TEAD1: variants seen among roughly 807,000 people sequenced by gnomAD.
TEAD1 encodes TEA domain transcription factor 1, also known as transcriptional enhancer factor TEF-1.
In TEAD1, 9 loss-of-function variants were observed where a neutral mutation model predicts 54.9. The observed-to-expected ratio is 0.16, with a 90% CI of 0.10 to 0.29. The LOEUF (loss-of-function observed/expected upper bound fraction) is 0.29. Among genes scored for constraint, TEAD1 ranks in the 10% least tolerant of loss-of-function variants. The pLI, the probability that TEAD1 is intolerant of heterozygous loss-of-function variation, is 1.00. For missense variants in TEAD1, 387 were observed against 535.9 expected (o/e 0.72, Z 2.74); for synonymous variants, 200 against 187.8 (o/e 1.07, Z -0.53).
chr11:12,882,121 G>GGGTCCC (rs1183127104), intron 8 of TEAD1, among the ~76,000 whole-genome samples, 164 bp downstream of exon 8: 1 of 152,186 alleles, frequency 6.6e-6, no homozygotes, highest in Non-Finnish European at 1.5e-5. Flanking sequence ...GAGGGCCACA[G>GGGTCCC]GGTCCCGATT....
chr11:12,701,410 T>TA (rs1170533114), intron 2 of TEAD1, among the ~76,000 whole-genome samples: 1 of 152,094 alleles, frequency 6.6e-6, no homozygotes, highest in Non-Finnish European at 1.5e-5. Context: ...AACAAAAACT[T>TA]AGACGTCAAG....
At chr11:12,770,562 G>A (rs991077922) in intron 3 of TEAD1, among the ~76,000 whole-genome samples, 2 of 152,156 alleles carry the variant, frequency 1.3e-5, no homozygotes, top group East Asian at 1.9e-4. Context: ...TATAGGATGT[G>A]CGATCTTGAT....
chr11:12,814,734 A>C (rs1946377635), intron 3 of TEAD1, among the ~76,000 whole-genome samples: 2 of 151,618 alleles, frequency 1.3e-5, no homozygotes, highest in South Asian at 4.2e-4. Context: ...GACAGCCAGG[A>C]ATTCTGATCT....
chr11:12,925,454 C>T (rs1270130888), intron 11 of TEAD1, among the ~76,000 whole-genome samples: 1 of 152,150 alleles, frequency 6.6e-6, no homozygotes, highest in African/African-American at 2.4e-5. Flanking sequence ...TGCCACCAGG[C>T]CCCTCCTCTG....
chr11:12,757,908 T>C (rs1260178277), intron 2 of TEAD1, among the ~76,000 whole-genome samples: 1 of 151,832 alleles, frequency 6.6e-6, no homozygotes, highest in Non-Finnish European at 1.5e-5. Flanking sequence ...GCCTCCCAAG[T>C]AGCTGGGATT....
intron 3 of TEAD1, among the ~76,000 whole-genome samples, chr11:12,766,524 T>C (rs1050819556): frequency 6.6e-6 from 1 of 152,198 alleles, no homozygotes; most frequent in East Asian, 1.9e-4. Flanking sequence ...AAGTAGTTGA[T>C]GATGTCCATG....
intron 3 of TEAD1, among the ~76,000 whole-genome samples, chr11:12,772,812 T>C (rs182984601): frequency 6.6e-6 from 1 of 152,268 alleles, no homozygotes; most frequent in Non-Finnish European, 1.5e-5. Context: ...CAGTTTTACT[T>C]GAACTCGTTT....
chr11:12,720,810 A>G (rs1249080253), intron 2 of TEAD1, among the ~76,000 whole-genome samples: 1 of 152,176 alleles, frequency 6.6e-6, no homozygotes. Flanking sequence ...AGGAACAGAT[A>G]TGGGCCCCAA....
chr11:12,706,317 A>C (rs529288972), intron 2 of TEAD1, among the ~76,000 whole-genome samples: 1 of 152,164 alleles, frequency 6.6e-6, no homozygotes, highest in Non-Finnish European at 1.5e-5. Context: ...TTCCTGTTGC[A>C]CTTCTTCAGG....
chr11:12,833,199 G>C (rs989222876), intron 3 of TEAD1, among the ~76,000 whole-genome samples: 1 of 152,200 alleles, frequency 6.6e-6, no homozygotes, highest in African/African-American at 2.4e-5. Context: ...ACCAAGTCAG[G>C]AGAGTTTTGA....
At chr11:12,864,234 A>G (rs901014678) in intron 4 of TEAD1, among the ~76,000 whole-genome samples, 5 of 152,198 alleles carry the variant, frequency 3.3e-5, no homozygotes, top group African/African-American at 4.8e-5. Context: ...AGAATGTGCT[A>G]ATTTATGGAT....
At chr11:12,800,781 T>A (rs10741603) in intron 3 of TEAD1, among the ~76,000 whole-genome samples, 152,224 of 152,354 alleles carry the variant, frequency 1, 76,047 homozygotes, top group Middle Eastern at 1. Context: ...CTTTCCTCCC[T>A]TCTCTGCCCC....
chr11:12,719,963 T>TTTTC (rs1944153517), intron 2 of TEAD1, among the ~76,000 whole-genome samples: 1 of 43,110 alleles, frequency 2.3e-5, no homozygotes, highest in Admixed American at 2.0e-4. Context: ...TTTTTTTTTT[T>TTTTC]TTTTTTTTTT....
intron 3 of TEAD1, among the ~76,000 whole-genome samples, chr11:12,788,474 A>T (rs779146236): frequency 4.6e-5 from 7 of 152,128 alleles, no homozygotes; most frequent in Non-Finnish European, 1.0e-4. Context: ...AAGCCTTTTG[A>T]CTTAGTATAC....
At chr11:12,772,989 T>C (rs1314623999) in intron 3 of TEAD1, among the ~76,000 whole-genome samples, 1 of 152,184 alleles carries the variant, frequency 6.6e-6, no homozygotes, top group Non-Finnish European at 1.5e-5. Context: ...GTTTATAAAA[T>C]TTTGTCATTT....
intron 2 of TEAD1, among the ~76,000 whole-genome samples, chr11:12,718,950 G>C (rs1335848819): frequency 6.6e-6 from 1 of 151,556 alleles, no homozygotes. Context: ...ATTGTTTAAG[G>C]ACATAATTCT....
chr11:12,920,048 C>T (rs1339610504), intron 10 of TEAD1, among the ~76,000 whole-genome samples: 1 of 152,134 alleles, frequency 6.6e-6, no homozygotes. Flanking sequence ...GGAAACAGAA[C>T]TTTTTTTCCA....
At chr11:12,741,731 CA>C (rs1944653652) in intron 2 of TEAD1, among the ~76,000 whole-genome samples, 1 of 152,042 alleles carries the variant, frequency 6.6e-6, no homozygotes, top group South Asian at 2.1e-4. Flanking sequence ...AAGAGGAGGT[CA>C]AAAAGTCTTT....
At chr11:12,810,675 G>C (rs1178988393) in intron 3 of TEAD1, among the ~76,000 whole-genome samples, 1 of 152,218 alleles carries the variant, frequency 6.6e-6, no homozygotes, top group African/African-American at 2.4e-5. Context: ...CCCAGCAGTG[G>C]GATGCTGCCC....
Sources: gnomAD v4.1 joint callset for allele counts (sites outside exome capture counted in the v4.1 genomes callset) on GRCh38, gnomAD v4.1.1 for gene constraint, MANE v1.5 for transcripts, NCBI Gene and HGNC (gene_info 2026-07-23, HGNC 2026-07-21) for gene names.